STK10: variants seen among roughly 807,000 people sequenced by gnomAD.
STK10 encodes serine/threonine-protein kinase 10.
In STK10, 78 loss-of-function variants were observed where a neutral mutation model predicts 113.8. The observed-to-expected ratio is 0.69, with a 90% CI of 0.57 to 0.83. The LOEUF is 0.83. STK10 is among the 40% of genes least tolerant of loss of function. The pLI, the probability that STK10 is intolerant of heterozygous loss-of-function variation, is 0.00. For missense variants in STK10, 1,109 were observed against 1,280.1 expected, an observed-to-expected ratio of 0.87 and a Z score of 2.04; for synonymous variants, 465 against 494.7, an observed-to-expected ratio of 0.94 and a Z score of 0.80.
chr5:172,121,061 C>T (rs1174684306), intron 3 of STK10, among the ~76,000 whole-genome samples: 1 of 146,574 alleles, frequency 6.8e-6, no homozygotes, highest in Non-Finnish European at 1.5e-5. Flanking sequence ...TGGAGTCTTG[C>T]TCTCTTGCCC....
intron 12 of STK10, among the ~76,000 whole-genome samples, chr5:172,078,619 TAAAAAAA>T (rs58823824): frequency 2.6e-4 from 19 of 72,862 alleles, no homozygotes; most frequent in Admixed American, 2.3e-3. Context: ...GCCTCATCAT[TAAAAAAA>T]AAAAAAAAAA....
In STK10 at chr5:172,106,655, C is replaced by T. The variant is rs770533842; in HGVS notation, c.753G>A (p.Lys251=). ...NPMRVLLKIA[K]SDPPTLLTPS... ...GCGTGAGCAGCGTGGGAGGGTCCGA[C>T]TTGGCGATCTTTAGCAGGACCCGCA... The change falls in exon 6 of 19, where the codon AAG becomes AAA. Residue 251 remains lysine, a synonymous_variant. Transcript: ENST00000176763. The T allele has an allele frequency of 6.2e-7, 1 of 1,613,446 alleles. No homozygotes were observed. Among genetic ancestry groups the T allele is most frequent in the South Asian group, 1.1e-5 (1 of 91,046 alleles).
At chr5:172,099,107 C>G (rs1044888631) in intron 7 of STK10, among the ~76,000 whole-genome samples, 1 of 152,070 alleles carries the variant, frequency 6.6e-6, no homozygotes, top group African/African-American at 2.4e-5. Context: ...ACCATCACCA[C>G]CATCACTATC....
In STK10 at chr5:172,059,426, C is replaced by G. The variant is rs548835537; in HGVS notation, c.2212+1713G>C. Among the ~76,000 whole-genome samples the G allele has an allele frequency of 1.5e-4, 19 of 130,730 alleles. No individual in the cohort carries two copies. The South Asian group carries it at 4.9e-3, about 34-fold the overall frequency. 85.8% of individuals were successfully genotyped at this position (130,730 alleles called of 152,430 possible). A position where few individuals can be genotyped will look rare whatever the true frequency, so the allele number is the denominator to read the frequency against. On this transcript the variant is annotated intron_variant, in intron 14 of 18. Transcript: ENST00000176763. ...GATGACACAGTGAGACAGCGAGACTCTCCATCTCAAAAAAAAAAAAAAAAA... is the reference window on the plus strand; with the variant it reads ...GATGACACAGTGAGACAGCGAGACTGTCCATCTCAAAAAAAAAAAAAAAAA...
At chr5:172,138,785 G>A (rs1223136949) in intron 2 of STK10, among the ~76,000 whole-genome samples, 1 of 152,046 alleles carries the variant, frequency 6.6e-6, no homozygotes, top group African/African-American at 2.4e-5. Flanking sequence ...GGCTAAGGTG[G>A]GCGGATCACG....
intron 18 of STK10, among the ~76,000 whole-genome samples, chr5:172,046,373 A>T (rs1032254796): frequency 4.9e-4 from 74 of 150,304 alleles, no homozygotes; most frequent in African/African-American, 1.1e-3. Flanking sequence ...AAAAAAAAAA[A>T]TTTTTTTTAC....
intron 2 of STK10, among the ~76,000 whole-genome samples, chr5:172,153,288 A>G (rs867808115): frequency 1.4e-5 from 2 of 141,916 alleles, no homozygotes; most frequent in African/African-American, 5.7e-5. Flanking sequence ...CTCCATCTCA[A>G]AAAGAAAGAA....
At chr5:172,150,687 C>CAA (rs1770203923) in intron 2 of STK10, among the ~76,000 whole-genome samples, 3 of 152,234 alleles carry the variant, frequency 2.0e-5, no homozygotes, top group African/African-American at 7.2e-5. Context: ...CCCAGGACTA[C>CAA]AAGCCACAAA....
intron 3 of STK10, among the ~76,000 whole-genome samples, chr5:172,122,915 G>C (rs898267600): frequency 1.3e-5 from 2 of 152,142 alleles, no homozygotes; most frequent in Non-Finnish European, 2.9e-5. Flanking sequence ...GAGCCACCGC[G>C]CCCGGCCAAG....
intron 6 of STK10, among the ~76,000 whole-genome samples, chr5:172,106,047 C>T (rs750236181): frequency 3.9e-5 from 6 of 152,164 alleles, no homozygotes; most frequent in Non-Finnish European, 5.9e-5. Flanking sequence ...TGCGGCTCAG[C>T]TGGGGCTCCT....
At chr5:172,067,161 C>T (rs1263231797) in intron 12 of STK10, among the ~76,000 whole-genome samples, 1 of 152,058 alleles carries the variant, frequency 6.6e-6, no homozygotes, top group African/African-American at 2.4e-5. Flanking sequence ...CCAACCTGGG[C>T]AACATGGCAA....
intron 3 of STK10, among the ~76,000 whole-genome samples, chr5:172,125,208 T>G (rs534209465): frequency 6.6e-6 from 1 of 152,356 alleles, no homozygotes; most frequent in Non-Finnish European, 1.5e-5. Flanking sequence ...TATGCCCTAG[T>G]GACCCACTGA....
intron 4 of STK10, among the ~76,000 whole-genome samples, chr5:172,110,157 T>C (rs568322089): frequency 6.6e-6 from 1 of 152,272 alleles, no homozygotes; most frequent in African/African-American, 2.4e-5. Context: ...CACAGTTTAG[T>C]TGGGGGAGCA....
intron 10 of STK10, among the ~76,000 whole-genome samples, chr5:172,088,072 T>C (rs1021960628): frequency 6.6e-6 from 1 of 152,110 alleles, no homozygotes; most frequent in African/African-American, 2.4e-5. Context: ...ACTACAGGTA[T>C]GTGCCCAGCT....
In STK10 at chr5:172,055,316, C is replaced by A. The variant is rs145237781; in HGVS notation, c.2526+272G>T. 2.6e-5 allele frequency among the ~76,000 whole-genome samples: 4 copies of A among 152,190 alleles called. No individual in the cohort carries two copies. In the East Asian group the frequency reaches 7.7e-4, roughly 29 times the overall value. On this transcript the variant is annotated intron_variant, in intron 16 of 18. Coordinates refer to ENST00000176763, the MANE Select transcript of STK10 (RefSeq NM_005990.4). ...CCGGGCTCAAGCGATCCTCCCACCTCGGCCTTCCAAATAGCCACCACACCT... is the reference window on the plus strand; with the variant it reads ...CCGGGCTCAAGCGATCCTCCCACCTAGGCCTTCCAAATAGCCACCACACCT...
chr5:172,123,432 G>T lies in STK10; in HGVS notation c.370+3941C>A, dbSNP rs541910334. On this transcript the variant is annotated intron_variant, in intron 3 of 18. Transcript: ENST00000176763. ...AGAGAAGGGTTTGTCTGCTGGCTGA[G>T]CTGTAGCCTAGGGCACGCCCTAGCT... Among the ~76,000 whole-genome samples the T allele has an allele frequency of 2.0e-5, 3 of 152,348 alleles. No individual in the cohort carries two copies. The South Asian group carries it at 6.2e-4, about 32-fold the overall frequency.
intron 2 of STK10, among the ~76,000 whole-genome samples, chr5:172,154,440 C>T (rs1770304067): frequency 1.3e-5 from 2 of 152,206 alleles, no homozygotes; most frequent in Non-Finnish European, 2.9e-5. Context: ...GCCTCCACAC[C>T]GCTGCCCACG....
chr5:172,061,007 C>T, intron 14 of STK10, 132 bp downstream of exon 14: 1 of 1,377,040 alleles, frequency 7.3e-7, no homozygotes, highest in Non-Finnish European at 9.6e-7. Flanking sequence ...CCAGGTTTCC[C>T]CATGAAGAAT....
intron 1 of STK10, among the ~76,000 whole-genome samples, chr5:172,177,301 C>T (rs72845174): frequency 0.2 from 30,804 of 152,192 alleles, 3,220 homozygotes; most frequent in Middle Eastern, 0.25. Flanking sequence ...CTGTGGGAGC[C>T]TTGATCTTGG....
Sources: gnomAD v4.1 joint callset for allele counts (sites outside exome capture counted in the v4.1 genomes callset) on GRCh38, gnomAD v4.1.1 for gene constraint, MANE v1.5 for transcripts, NCBI Gene and HGNC (gene_info 2026-07-23, HGNC 2026-07-21) for gene names.